The following SPATA16 variants were observed in gnomAD, a reference collection of about 807,000 sequenced individuals.
The protein encoded by SPATA16 is spermatogenesis associated 16.
Under a neutral mutation model 63.3 loss-of-function variants are expected in SPATA16, and 36 were observed. That is an observed-to-expected ratio of 0.57 (90% CI 0.44 to 0.75). The LOEUF (loss-of-function observed/expected upper bound fraction) is 0.75. SPATA16 is among the 30% of genes least tolerant of loss of function. The pLI is 0.00. For synonymous variants in SPATA16, 203 were observed against 216.7 expected, an observed-to-expected ratio of 0.94 and a Z score of 0.56; for missense variants, 646 against 679.3, an observed-to-expected ratio of 0.95 and a Z score of 0.54.
At chr3:172,933,160 A>G (rs1327272344) in intron 6 of SPATA16, among the ~76,000 whole-genome samples, 1 of 152,236 alleles carries the variant, frequency 6.6e-6, no homozygotes, top group Non-Finnish European at 1.5e-5. Flanking sequence ...GATATTAAAT[A>G]CAAACATTAA....
rs1400305229 is a variant in SPATA16, at chr3:173,117,165, T to C, written c.567A>G (p.Gln189=). 6.2e-7 allele frequency: 1 copy of C among 1,614,002 alleles called. No individual in the cohort carries two copies. The highest frequency in any genetic ancestry group is 1.3e-5 in the African/African-American group (1 of 74,914). ...GTCCTGCTGCCAAGGCGTATTTCTT[T>C]TGTCTATAGCAAGAGCTGGCATCCT... ...ALKDASSCYR[Q]KKYALAAGQF... The change falls in exon 2 of 11, where the codon CAA becomes CAG. Residue 189 remains glutamine (Q), a synonymous_variant. Transcript: ENST00000351008.
chr3:172,967,333 G>A lies in SPATA16; in HGVS notation c.933+9635C>T, dbSNP rs575067595. Among the ~76,000 whole-genome samples, 45 of 152,170 alleles carry A rather than the reference G, an allele frequency of 3.0e-4. No individual in the cohort carries two copies. The South Asian group carries it at 3.9e-3, about 13-fold the overall frequency. On this transcript the variant is annotated intron_variant, in intron 5 of 10. Transcript: ENST00000351008. ...CATTTAAATGATGTGGGCTTCTGCC[G>A]TCACCTACTAATAATACTGAAAAAC... is the stretch of plus-strand genomic sequence containing the variant.
rs145801601 is a variant in SPATA16, at chr3:172,941,936, G to T, written c.1081+14741C>A. ...GCTCAGTTGATAATCATGAAACTAC[G>T]ATTTTGTTAAGATGTCTATGTTTAC... On this transcript the variant is annotated intron_variant, in intron 6 of 10. Coordinates refer to ENST00000351008, the MANE Select transcript of SPATA16 (RefSeq NM_031955.6). 9.9e-5 allele frequency among the ~76,000 whole-genome samples: 15 copies of T among 151,904 alleles called. No individual in the cohort carries two copies. The East Asian group carries it at 2.5e-3, about 25-fold the overall frequency.
At chr3:172,904,965 A>T (rs1732201882) in intron 10 of SPATA16, among the ~76,000 whole-genome samples, 1 of 152,028 alleles carries the variant, frequency 6.6e-6, no homozygotes, top group Non-Finnish European at 1.5e-5. Flanking sequence ...ATTAACACAG[A>T]TCCATTAGTC....
intron 4 of SPATA16, among the ~76,000 whole-genome samples, chr3:172,987,615 A>G (rs925921862): frequency 2.0e-5 from 3 of 152,232 alleles, no homozygotes; most frequent in African/African-American, 4.8e-5. Flanking sequence ...GAAAAATGTC[A>G]TATTAGGTCA....
At chr3:173,100,838 A>G (rs1211098316) in intron 2 of SPATA16, among the ~76,000 whole-genome samples, 2 of 152,194 alleles carry the variant, frequency 1.3e-5, no homozygotes, top group African/African-American at 2.4e-5. Context: ...GTGGTCATAA[A>G]CAATTACTTA....
At chr3:172,960,190 C>A (rs754362509) in intron 5 of SPATA16, among the ~76,000 whole-genome samples, 1 of 152,046 alleles carries the variant, frequency 6.6e-6, no homozygotes, top group Non-Finnish European at 1.5e-5. Flanking sequence ...AAAAAATAAG[C>A]TATACTAAAA....
chr3:173,022,247 G>A (rs1478717468), intron 3 of SPATA16, among the ~76,000 whole-genome samples: 5 of 151,966 alleles, frequency 3.3e-5, no homozygotes, highest in Admixed American at 1.3e-4. Flanking sequence ...GCAAGTAGAG[G>A]ACATGAGTTT....
Position 173,117,106 on chromosome 3 carries a change from C to A in SPATA16, c.612+14G>T. The A allele has an allele frequency of 6.2e-7, 1 of 1,613,068 alleles. No individual in the cohort carries two copies. Among genetic ancestry groups the A allele is most frequent in the Non-Finnish European group, 8.5e-7 (1 of 1,179,160 alleles). On this transcript the variant is annotated intron_variant, in intron 2 of 10. Transcript: ENST00000351008. ...GTTTCCTGTCACCAATCTATATTTT[C>A]TTTAATCCCATACCTCAAGTGCTGT...
chr3:173,099,411 G>T (rs1737437025), intron 2 of SPATA16, among the ~76,000 whole-genome samples: 1 of 152,132 alleles, frequency 6.6e-6, no homozygotes, highest in Admixed American at 6.5e-5. Flanking sequence ...AGGTATGTAT[G>T]TATAAGAAAA....
At chr3:173,011,118 G>A (rs1282337451) in intron 4 of SPATA16, among the ~76,000 whole-genome samples, 2 of 152,018 alleles carry the variant, frequency 1.3e-5, no homozygotes, top group Non-Finnish European at 2.9e-5. Flanking sequence ...ACCAAAATCT[G>A]GCAAAGACAC....
intron 4 of SPATA16, among the ~76,000 whole-genome samples, chr3:172,987,438 C>T (rs574917607): frequency 6.6e-6 from 1 of 152,312 alleles, no homozygotes; most frequent in African/African-American, 2.4e-5. Flanking sequence ...CCATGATGGA[C>T]AGTCAAGCAT....
At chr3:173,131,417 A>C (rs770808710) in intron 1 of SPATA16, among the ~76,000 whole-genome samples, 2 of 152,206 alleles carry the variant, frequency 1.3e-5, no homozygotes, top group Non-Finnish European at 2.9e-5. Flanking sequence ...TGACTTTGAC[A>C]GGGGCAACTT....
intron 5 of SPATA16, among the ~76,000 whole-genome samples, chr3:172,970,123 T>C (rs1021018044): frequency 6.6e-6 from 1 of 152,194 alleles, no homozygotes; most frequent in Admixed American, 6.5e-5. Flanking sequence ...AAAATTGCAT[T>C]ATTTATTAAA....
rs546493593 is a variant in SPATA16, at chr3:172,937,869, G to A, written c.1082-12377C>T. Among the ~76,000 whole-genome samples the A allele has an allele frequency of 1.3e-4, 20 of 152,242 alleles. 2 individuals are homozygous for A. Among genetic ancestry groups the A allele is most frequent in the Admixed American group, 1.2e-3 (18 of 15,290 alleles). ...TGCTCACTATGGAACCATTGCAGAC[G>A]GGTATACATCATCCAGACAGACAGC... On this transcript the variant is annotated intron_variant, in intron 6 of 10. Coordinates refer to ENST00000351008, the MANE Select transcript of SPATA16 (RefSeq NM_031955.6).
chr3:173,010,555 G>C (rs991643567), intron 4 of SPATA16, among the ~76,000 whole-genome samples: 1 of 151,904 alleles, frequency 6.6e-6, no homozygotes, highest in Non-Finnish European at 1.5e-5. Context: ...TACCCCTGCT[G>C]CCCCCAGGCT....
intron 3 of SPATA16, among the ~76,000 whole-genome samples, chr3:173,040,828 C>T: frequency 6.6e-6 from 1 of 151,986 alleles, no homozygotes; most frequent in East Asian, 1.9e-4. Flanking sequence ...TTATAAAGGG[C>T]CCAGTTTCCA....
intron 2 of SPATA16, among the ~76,000 whole-genome samples, chr3:173,094,905 T>C (rs184010939): frequency 6.6e-6 from 1 of 152,210 alleles, no homozygotes; most frequent in Non-Finnish European, 1.5e-5. Flanking sequence ...TTCACGTTAA[T>C]GTGTGTCCTT....
chr3:173,093,350 G>A (rs1430327349), intron 2 of SPATA16, among the ~76,000 whole-genome samples: 1 of 152,082 alleles, frequency 6.6e-6, no homozygotes, highest in East Asian at 1.9e-4. Flanking sequence ...GACTCTGTCA[G>A]ATGCCATGTA....
Sources: allele counts gnomAD v4.1 joint callset (sites outside exome capture counted in the v4.1 genomes callset), GRCh38; gene constraint gnomAD v4.1.1; transcripts MANE v1.5; gene names NCBI Gene and HGNC (gene_info 2026-07-23, HGNC 2026-07-21).